Variants in IMPG2 observed in about 807,000 individuals in gnomAD.
IMPG2 encodes interphotoreceptor matrix proteoglycan 2.
In IMPG2, 91 loss-of-function variants were observed where a neutral mutation model predicts 129.2. That is an observed-to-expected ratio of 0.70 (90% CI 0.59 to 0.84). The LOEUF (loss-of-function observed/expected upper bound fraction) is 0.84, where lower values mean the gene tolerates loss of function less well. Ranked by LOEUF, IMPG2 falls within the 40% of genes least tolerant of loss-of-function variation. The pLI, the probability that IMPG2 is intolerant of heterozygous loss-of-function variation, is 0.00. For missense variants in IMPG2, 1,430 were observed against 1,461.7 expected (o/e 0.98, Z 0.35); for synonymous variants, 510 against 517.7 (o/e 0.99, Z 0.20).
At chr3:101,317,897 A>C (rs1397176499) in intron 2 of IMPG2, among the ~76,000 whole-genome samples, 3 of 152,036 alleles carry the variant, frequency 2.0e-5, no homozygotes, top group African/African-American at 4.8e-5. Flanking sequence ...ATCAGTTCCC[A>C]AAATACCAAG....
chr3:101,301,239 T>C (rs1300281670), intron 3 of IMPG2, among the ~76,000 whole-genome samples: 3 of 152,168 alleles, frequency 2.0e-5, no homozygotes, highest in Non-Finnish European at 2.9e-5. Flanking sequence ...ACAGATCACA[T>C]AAGAGATAAA....
At chr3:101,227,081 T>A in intron 18 of IMPG2, 100 bp from the exon 19 acceptor site, 1 of 1,279,462 alleles carries the variant, frequency 7.8e-7, no homozygotes, top group Non-Finnish European at 1.1e-6. Flanking sequence ...CCTAAAATCA[T>A]GAATACTTTC....
chr3:101,245,894 A>G lies in IMPG2; in HGVS notation c.1451T>C (p.Leu484Ser), dbSNP rs549573282. ...SSPEVLEVSS[L>S]TLHSVTPAVL... ...TGCCGGGGTGACAGAATGAAGAGTC[A>G]AGCTGCTAACCTCTAAAACCTCTGG... is the stretch of plus-strand genomic sequence containing the variant. The change falls in exon 12 of 19, where the codon TTG becomes TCG. Residue 484 changes from leucine (L) to serine (S), a missense_variant. By Grantham distance (145) the Leu-to-Ser change is moderately radical (BLOSUM62 -2). Coordinates refer to ENST00000193391, the MANE Select transcript of IMPG2 (RefSeq NM_016247.4). 2 of 1,614,214 alleles carry G rather than the reference A, an allele frequency of 1.2e-6. No individual in the cohort carries two copies. Among genetic ancestry groups the G allele is most frequent in the South Asian group, 1.1e-5 (1 of 91,086 alleles).
chr3:101,246,963 G>A (rs1190291983), intron 11 of IMPG2, among the ~76,000 whole-genome samples: 1 of 152,072 alleles, frequency 6.6e-6, no homozygotes, highest in Non-Finnish European at 1.5e-5. Flanking sequence ...AGGCATGGTG[G>A]CACACACCTG....
intron 10 of IMPG2, among the ~76,000 whole-genome samples, chr3:101,255,729 G>T (rs1220879465): frequency 6.6e-6 from 1 of 152,080 alleles, no homozygotes; most frequent in African/African-American, 2.4e-5. Flanking sequence ...AGCAGTTTCA[G>T]ATTATAACAA....
chr3:101,293,495 T>C (rs1707043759), intron 3 of IMPG2, among the ~76,000 whole-genome samples: 1 of 152,144 alleles, frequency 6.6e-6, no homozygotes, highest in Non-Finnish European at 1.5e-5. Flanking sequence ...GTTCCATTTA[T>C]AGAGCATAAG....
rs1706305667 is a variant in IMPG2 at position 101,232,897 on chromosome 3, G to A, written c.3117C>T (p.Phe1039=). The A allele has an allele frequency of 6.2e-7, 1 of 1,613,884 alleles. No homozygotes were observed. Among genetic ancestry groups the A allele is most frequent in the African/African-American group, 1.3e-5 (1 of 74,956 alleles). ...PWSGEAKCRC[F]PGYLSVEERP... is the part of the protein sequence containing the mutation. ...GTTCTTCCACACTCAGGTATCCAGG[G>A]AAGCATCTGCACTTTGCTTCTCCAC... The change falls in exon 15 of 19, where the codon TTC becomes TTT. Residue 1039 remains phenylalanine, a synonymous_variant. Transcript: ENST00000193391.
chr3:101,275,712 T>G lies in IMPG2; in HGVS notation c.617A>C (p.Asp206Ala). Residue 206 changes from aspartate (D) to alanine (A), a missense_variant, in exon 6 of 19, where the codon GAC becomes GCC. Transcript: ENST00000193391. ...TTLSVPHPEVDAYEGASESSL... is the reference protein window; with the variant it reads ...TTLSVPHPEVAAYEGASESSL... Reference sequence around the variant, plus strand: ...GCTCTCTGAGGCACCTTCATAGGCGTCCACCTCTGGATGTGGAACACTGAG... The same window carrying G: ...GCTCTCTGAGGCACCTTCATAGGCGGCCACCTCTGGATGTGGAACACTGAG... The G allele has an allele frequency of 6.2e-7, 1 of 1,613,938 alleles. No individual in the cohort carries two copies. The highest frequency in any genetic ancestry group is 1.1e-5 in the South Asian group (1 of 91,084).
chr3:101,309,637 G>A (rs1707240251), intron 2 of IMPG2, among the ~76,000 whole-genome samples: 2 of 152,066 alleles, frequency 1.3e-5, no homozygotes, highest in Admixed American at 1.3e-4. Context: ...CCCGACATAT[G>A]GGGATTATAA....
chr3:101,251,132 A>AT (rs1268932756), intron 11 of IMPG2, among the ~76,000 whole-genome samples: 46 of 152,342 alleles, frequency 3.0e-4, no homozygotes, highest in African/African-American at 1.1e-3. Flanking sequence ...TGCTTAAGAA[A>AT]TTGAGTTTTA....
intron 4 of IMPG2, among the ~76,000 whole-genome samples, chr3:101,278,602 T>C (rs1559651891): frequency 6.6e-6 from 1 of 152,118 alleles, no homozygotes; most frequent in Non-Finnish European, 1.5e-5. Context: ...AATATGATAA[T>C]TCAAAGACAT....
chr3:101,241,429 G>C (rs563496300), intron 14 of IMPG2, among the ~76,000 whole-genome samples: 1 of 152,194 alleles, frequency 6.6e-6, no homozygotes, highest in Non-Finnish European at 1.5e-5. Flanking sequence ...GGTTTGACTA[G>C]AACATGTTGA....
chr3:101,248,428 A>T (rs540707581), intron 11 of IMPG2, among the ~76,000 whole-genome samples: 1 of 152,314 alleles, frequency 6.6e-6, no homozygotes, highest in South Asian at 2.1e-4. Flanking sequence ...GCCCAGTCTC[A>T]GGTATGTCTT....
intron 10 of IMPG2, among the ~76,000 whole-genome samples, chr3:101,256,209 G>GAA (rs1287689983): frequency 2.8e-5 from 4 of 143,732 alleles, no homozygotes; most frequent in African/African-American, 1.0e-4. Context: ...AAGAAAGAAA[G>GAA]AAAGAAAGAA....
At position 101,319,700 on chromosome 3, in the gene IMPG2, C is replaced by G. The variant is rs2058801972; in HGVS notation, c.218G>C (p.Arg73Thr). 6.2e-7 allele frequency: 1 copy of G among 1,613,612 alleles called. No individual in the cohort carries two copies. Among genetic ancestry groups the G allele is most frequent in the Non-Finnish European group, 8.5e-7 (1 of 1,179,840 alleles). The change falls in exon 2 of 19, where the codon AGA becomes ACA. Residue 73 changes from arginine to threonine, a missense_variant. By Grantham distance (71) the Arg-to-Thr change is moderately conservative (BLOSUM62 -1). Coordinates refer to ENST00000193391, the MANE Select transcript of IMPG2 (RefSeq NM_016247.4). ...TCTCCGCCTTCTGATTAACCACTGT[C>G]TTTCAGTTTCTCTGCGGTCCAGAGG... The part of the protein sequence containing the change: ...KQPLDRRETE[R>T]QWLIRRRRSI...
intron 10 of IMPG2, 118 bp from the exon 11 acceptor site, chr3:101,253,899 C>T (rs988645015): frequency 1.8e-5 from 13 of 712,768 alleles, no homozygotes; most frequent in African/African-American, 5.3e-5. Context: ...GCAGAAAATA[C>T]GGGACACACT....
intron 4 of IMPG2, among the ~76,000 whole-genome samples, chr3:101,283,866 C>T (rs1173252402): frequency 8.7e-5 from 13 of 150,216 alleles, no homozygotes; most frequent in Admixed American, 6.7e-4. Context: ...ATCCCCTTAG[C>T]TGACGAATAT....
rs936817624 is a variant in IMPG2 at position 101,244,362 on chromosome 3, A to G, written c.1969T>C (p.Ser657Pro). ...GAGTGCTTACTAATTTGGTCTGTGG[A>G]ATCCATTTTGTCAACTAAAACTAGT... is the stretch of plus-strand genomic sequence containing the variant. ...KKLVLVDKMD[S>P]TDQISKHSKY... Residue 657 changes from serine (S) to proline (P), a missense_variant, in exon 13 of 19, where the codon TCC (serine) becomes CCC (proline). Coordinates refer to ENST00000193391, the MANE Select transcript of IMPG2 (RefSeq NM_016247.4). The G allele has an allele frequency of 1.9e-6, 3 of 1,614,088 alleles. No individual in the cohort carries two copies. In the East Asian group the frequency reaches 6.7e-5, roughly 36 times the overall value.
chr3:101,226,825 A>G lies in IMPG2; in HGVS notation c.*144T>C. The G allele has an allele frequency of 1.3e-6, 1 of 793,214 alleles. No individual in the cohort carries two copies. Among genetic ancestry groups the G allele is most frequent in the South Asian group, 1.7e-5 (1 of 58,520 alleles). 49.1% of individuals were successfully genotyped at this position (793,214 alleles called of 1,614,324 possible). ...CATTCTGAAAACTTAAGCTGAAAAAAAAACAGTGTGCCCTATATTTAATTT... is the reference window on the plus strand; with the variant it reads ...CATTCTGAAAACTTAAGCTGAAAAAGAAACAGTGTGCCCTATATTTAATTT... On this transcript the variant is annotated 3_prime_UTR_variant, in exon 19 of 19. Transcript: ENST00000193391.
Sources: gnomAD v4.1 joint callset for allele counts (sites outside exome capture counted in the v4.1 genomes callset) on GRCh38, gnomAD v4.1.1 for gene constraint, MANE v1.5 for transcripts, NCBI Gene and HGNC (gene_info 2026-07-23, HGNC 2026-07-21) for gene names.